CYP7B1: variants seen among roughly 807,000 people sequenced by gnomAD.
CYP7B1 encodes the protein cytochrome P450 family 7 subfamily B member 1, also known as cytochrome P450 7B1.
Under a neutral mutation model 42.7 loss-of-function variants are expected in CYP7B1, and 29 were observed. That is an observed-to-expected ratio of 0.68 (90% confidence interval 0.51 to 0.93). The LOEUF is 0.93. Among genes scored for constraint, CYP7B1 ranks in the 40% least tolerant of loss-of-function variants. CYP7B1 has a pLI of 0.00. For missense variants in CYP7B1, 655 were observed against 600.5 expected, an observed-to-expected ratio of 1.09 and a Z score of -0.95; for synonymous variants, 235 against 218.2, an observed-to-expected ratio of 1.08 and a Z score of -0.68.
chr8:64,710,463 C>T (rs1807064137), intron 1 of CYP7B1, among the ~76,000 whole-genome samples: 1 of 152,174 alleles, frequency 6.6e-6, no homozygotes, highest in South Asian at 2.1e-4. Context: ...ATCATTCATT[C>T]ATGGAGTAAA....
rs907807076 is a variant in CYP7B1 at position 64,691,486 on chromosome 8, G to C, written c.123-66947C>G. On this transcript the variant is annotated intron_variant, in intron 1 of 5. Transcript: ENST00000310193. ...ACGTATGGTTGCGATGGCAACTGGG[G>C]GGGGGGGGTGGTGGTTAAAGCTGGA... 5.3e-5 allele frequency among the ~76,000 whole-genome samples: 8 copies of C among 149,700 alleles called. No individual in the cohort carries two copies. In the East Asian group the frequency reaches 7.8e-4, roughly 15 times the overall value.
chr8:64,704,130 A>T (rs1806958061), intron 1 of CYP7B1: 1 of 152,086 alleles, frequency 6.6e-6, no homozygotes, highest in Admixed American at 6.6e-5. Context: ...TTTTAAAAAG[A>T]GGAAAGGCAG....
intron 1 of CYP7B1, among the ~76,000 whole-genome samples, chr8:64,713,016 A>G (rs2129632697): frequency 6.6e-6 from 1 of 152,230 alleles, no homozygotes; most frequent in Middle Eastern, 3.4e-3. Flanking sequence ...CTTGAACTGT[A>G]AGCTCCTTGA....
At chr8:64,647,332 G>C (rs1805969318) in intron 1 of CYP7B1, among the ~76,000 whole-genome samples, 1 of 152,096 alleles carries the variant, frequency 6.6e-6, no homozygotes, top group Non-Finnish European at 1.5e-5. Flanking sequence ...TTGAAATATT[G>C]TGAGAATTAT....
chr8:64,605,571 T>C lies in CYP7B1; in HGVS notation c.1058-714A>G, dbSNP rs545852773. On this transcript the variant is annotated intron_variant, in intron 4 of 5. Coordinates refer to ENST00000310193, the MANE Select transcript of CYP7B1 (RefSeq NM_004820.5). ...AGATTTTATGGCTAATTTCCGGCAA[T>C]TTATCCTGGCAGTTTGAGGAGGAAT... Among the ~76,000 whole-genome samples the C allele has an allele frequency of 7.9e-5, 12 of 152,288 alleles. No individual in the cohort carries two copies. In the South Asian group the frequency reaches 2.5e-3, roughly 32 times the overall value.
chr8:64,608,177 T>A (rs1466690959), intron 4 of CYP7B1, among the ~76,000 whole-genome samples: 1 of 152,172 alleles, frequency 6.6e-6, no homozygotes, highest in East Asian at 1.9e-4. Flanking sequence ...CTAAAATCTT[T>A]TACAACACAA....
chr8:64,667,332 A>G (rs1391258187), intron 1 of CYP7B1, among the ~76,000 whole-genome samples: 1 of 152,128 alleles, frequency 6.6e-6, no homozygotes, highest in African/African-American at 2.4e-5. Context: ...CACCATATCA[A>G]TCCCCGTGCA....
chr8:64,785,560 G>T (rs916342894), intron 1 of CYP7B1, among the ~76,000 whole-genome samples: 2 of 152,118 alleles, frequency 1.3e-5, no homozygotes, highest in Admixed American at 1.3e-4. Context: ...AAAAGACATG[G>T]AAAAACCTTA....
At chr8:64,630,876 G>C (rs531185376) in intron 1 of CYP7B1, among the ~76,000 whole-genome samples, 1 of 152,186 alleles carries the variant, frequency 6.6e-6, no homozygotes, top group Non-Finnish European at 1.5e-5. Flanking sequence ...GGGTTGGGAC[G>C]TTAAAGAGAA....
chr8:64,709,241 G>A (rs1425637306), intron 1 of CYP7B1, among the ~76,000 whole-genome samples: 2 of 152,168 alleles, frequency 1.3e-5, no homozygotes, highest in African/African-American at 4.8e-5. Flanking sequence ...CTGTTTAGCT[G>A]CAAATGCCAA....
chr8:64,772,484 C>T (rs963308169), intron 1 of CYP7B1, among the ~76,000 whole-genome samples: 4 of 152,200 alleles, frequency 2.6e-5, no homozygotes, highest in Admixed American at 6.5e-5. Flanking sequence ...GAGACTTGAA[C>T]TGCCGCACTA....
intron 1 of CYP7B1, among the ~76,000 whole-genome samples, chr8:64,716,693 A>G (rs781054192): frequency 6.6e-6 from 1 of 152,154 alleles, no homozygotes; most frequent in Non-Finnish European, 1.5e-5. Context: ...GGCAACAGAG[A>G]GAGACTCCAT....
intron 1 of CYP7B1, among the ~76,000 whole-genome samples, chr8:64,717,604 G>A (rs567414236): frequency 2.6e-5 from 4 of 152,164 alleles, no homozygotes; most frequent in Admixed American, 2.6e-4. Flanking sequence ...TGTAATCCCA[G>A]CACTTTGGGA....
chr8:64,683,371 T>C (rs1048482793), intron 1 of CYP7B1, among the ~76,000 whole-genome samples: 8 of 152,150 alleles, frequency 5.3e-5, no homozygotes, highest in African/African-American at 1.7e-4. Context: ...TTCTTACTTA[T>C]TTGTGGGATC....
chr8:64,672,852 T>C (rs6999999), intron 1 of CYP7B1, among the ~76,000 whole-genome samples: 75,344 of 152,016 alleles, frequency 0.5, 20,104 homozygotes, highest in Non-Finnish European at 0.58. Context: ...AGGGCAATCA[T>C]CAATGAGTGA....
chr8:64,662,938 C>T (rs1390420841), intron 1 of CYP7B1, among the ~76,000 whole-genome samples: 3 of 152,226 alleles, frequency 2.0e-5, no homozygotes, highest in Non-Finnish European at 4.4e-5. Flanking sequence ...TATGTGAGTT[C>T]ACATTCCCTC....
chr8:64,691,362 A>C (rs551278065), intron 1 of CYP7B1, among the ~76,000 whole-genome samples: 1 of 152,012 alleles, frequency 6.6e-6, no homozygotes, highest in African/African-American at 2.4e-5. Context: ...TCCTCTCTTA[A>C]CTCTTGTCCA....
At chr8:64,597,850 C>T (rs1805141394) in intron 5 of CYP7B1, among the ~76,000 whole-genome samples, 1 of 152,146 alleles carries the variant, frequency 6.6e-6, no homozygotes, top group Non-Finnish European at 1.5e-5. Flanking sequence ...GTAGTTGGTG[C>T]TCATTAACAT....
At chr8:64,787,402 C>A (rs951671355) in intron 1 of CYP7B1, among the ~76,000 whole-genome samples, 1 of 152,214 alleles carries the variant, frequency 6.6e-6, no homozygotes, top group African/African-American at 2.4e-5. Flanking sequence ...GGGCAAAATG[C>A]CACCAGACTC....
Sources: allele counts gnomAD v4.1 joint callset (sites outside exome capture counted in the v4.1 genomes callset), GRCh38; gene constraint gnomAD v4.1.1; transcripts MANE v1.5; gene names NCBI Gene and HGNC (gene_info 2026-07-23, HGNC 2026-07-21).